The following OSBP2 variants were observed in gnomAD, a reference collection of about 807,000 sequenced individuals.
OSBP2 encodes the protein oxysterol-binding protein 2.
Under a neutral mutation model 96.0 loss-of-function variants are expected in OSBP2, and 66 were observed. That is an observed-to-expected ratio of 0.69 (90% CI 0.56 to 0.84). OSBP2 has a LOEUF of 0.84. Among genes scored for constraint, OSBP2 ranks in the 40% least tolerant of loss-of-function variants. The pLI is 0.00. For missense variants in OSBP2, 1,038 were observed against 1,222.7 expected (o/e 0.85, Z 2.25); for synonymous variants, 525 against 520.9 (o/e 1.01, Z -0.11).
At chr22:30,762,594 G>C (rs988150630) in intron 2 of OSBP2, among the ~76,000 whole-genome samples, 1 of 152,022 alleles carries the variant, frequency 6.6e-6, no homozygotes, top group Non-Finnish European at 1.5e-5. Flanking sequence ...CTCCTCTTGC[G>C]CTCTAGACCC....
intron 3 of OSBP2, among the ~76,000 whole-genome samples, chr22:30,886,240 G>A (rs984891775): frequency 1.3e-5 from 2 of 152,178 alleles, no homozygotes; most frequent in East Asian, 1.9e-4. Flanking sequence ...TCAGAAAGGC[G>A]GGACAGCTCA....
At chr22:30,821,145 A>G (rs1431402744) in intron 2 of OSBP2, among the ~76,000 whole-genome samples, 1 of 152,240 alleles carries the variant, frequency 6.6e-6, no homozygotes, top group Admixed American at 6.5e-5. Flanking sequence ...AGTGGGAAAG[A>G]TGAGACATAC....
At chr22:30,783,750 G>C (rs193269530) in intron 2 of OSBP2, among the ~76,000 whole-genome samples, 1 of 152,152 alleles carries the variant, frequency 6.6e-6, no homozygotes, top group Non-Finnish European at 1.5e-5. Context: ...AACTTACGGC[G>C]ATTTCTTAGA....
intron 12 of OSBP2, among the ~76,000 whole-genome samples, chr22:30,897,748 G>A (rs149720095): frequency 0.012 from 1,760 of 152,198 alleles, 37 homozygotes; most frequent in African/African-American, 0.04. Context: ...TCAGGAGTTC[G>A]AGACCAGCCT....
chr22:30,723,653 A>T (rs1234655850), intron 1 of OSBP2, among the ~76,000 whole-genome samples: 1 of 151,922 alleles, frequency 6.6e-6, no homozygotes, highest in African/African-American at 2.4e-5. Context: ...ACCTTAAGTG[A>T]TCCACCCTCC....
At chr22:30,708,432 A>G (rs2089290452) in intron 1 of OSBP2, among the ~76,000 whole-genome samples, 1 of 145,736 alleles carries the variant, frequency 6.9e-6, no homozygotes, top group South Asian at 2.2e-4. Context: ...TCTAAATATG[A>G]TATTTTACCT....
Position 30,695,501 on chromosome 22 carries a change from G to A in OSBP2, c.592G>A (p.Gly198Ser), listed in dbSNP as rs1235106476. 8 of 1,612,812 alleles carry A rather than the reference G, an allele frequency of 5.0e-6. No individual in the cohort carries two copies. The highest frequency in any genetic ancestry group is 5.9e-6 in the Non-Finnish European group (7 of 1,180,024). ...TCTCAAGTGGACCAACTATCTGAAG[G>A]GCTACCAGCGCCGCTGGTTCGTGCT... Reference protein sequence around the residue: ...WLLKWTNYLKGYQRRWFVLGN... With the variant: ...WLLKWTNYLKSYQRRWFVLGN... The change falls in exon 1 of 14, where the codon GGC (glycine) becomes AGC (serine). Residue 198 changes from glycine (G) to serine (S), a missense_variant. Gly to Ser is a moderately conservative substitution (Grantham distance 56, BLOSUM62 0). This residue lies in a region of OSBP2 where 281 missense variants were observed against 273.4 expected (regional missense o/e 1.03). Coordinates refer to ENST00000332585, the MANE Select transcript of OSBP2 (RefSeq NM_030758.4).
chr22:30,769,337 A>G (rs942436198), intron 2 of OSBP2, among the ~76,000 whole-genome samples: 1 of 152,184 alleles, frequency 6.6e-6, no homozygotes, highest in African/African-American at 2.4e-5. Flanking sequence ...TGTGAGGGTA[A>G]ATAACAACAA....
chr22:30,731,751 A>T (rs1201919770), intron 1 of OSBP2: 1 of 154,398 alleles, frequency 6.5e-6, no homozygotes, highest in Non-Finnish European at 1.5e-5. Flanking sequence ...CATCAGTGAC[A>T]GAAGCCATTT....
At chr22:30,766,318 T>G (rs1481068174) in intron 2 of OSBP2, among the ~76,000 whole-genome samples, 2 of 152,202 alleles carry the variant, frequency 1.3e-5, no homozygotes, top group Non-Finnish European at 2.9e-5. Context: ...CATTGAATGG[T>G]ACCTGGCGGG....
intron 3 of OSBP2, among the ~76,000 whole-genome samples, chr22:30,877,749 G>A (rs1263926872): frequency 6.6e-6 from 1 of 152,166 alleles, no homozygotes; most frequent in Non-Finnish European, 1.5e-5. Context: ...CCCTGCAGGC[G>A]GGGCCCAGGC....
intron 1 of OSBP2, among the ~76,000 whole-genome samples, chr22:30,700,367 C>CT (rs112904670): frequency 0.033 from 5,020 of 150,926 alleles, 99 homozygotes; most frequent in African/African-American, 0.056. Context: ...TCAATGTTGG[C>CT]TTTTTTTTTA....
intron 12 of OSBP2, among the ~76,000 whole-genome samples, chr22:30,895,161 A>T (rs1470449898): frequency 6.6e-6 from 1 of 152,196 alleles, no homozygotes; most frequent in African/African-American, 2.4e-5. Flanking sequence ...GAAGAGGATC[A>T]AGATGCACAT....
intron 1 of OSBP2, among the ~76,000 whole-genome samples, chr22:30,701,090 C>T (rs780982183): frequency 6.7e-6 from 1 of 148,586 alleles, no homozygotes; most frequent in African/African-American, 2.5e-5. Flanking sequence ...AGTGCAACTA[C>T]GTCTCAAAAA....
intron 2 of OSBP2, among the ~76,000 whole-genome samples, chr22:30,806,596 T>A (rs2090931194): frequency 6.6e-6 from 1 of 152,114 alleles, no homozygotes; most frequent in African/African-American, 2.4e-5. Context: ...AGGAAATGAC[T>A]CATCCATGGA....
intron 2 of OSBP2, among the ~76,000 whole-genome samples, chr22:30,861,932 G>C (rs1237435894): frequency 6.6e-6 from 1 of 152,140 alleles, no homozygotes; most frequent in Non-Finnish European, 1.5e-5. Context: ...CCCTGGAGCG[G>C]CATCTTCCTC....
chr22:30,877,205 A>C (rs1363001257), intron 3 of OSBP2, among the ~76,000 whole-genome samples: 1 of 152,126 alleles, frequency 6.6e-6, no homozygotes, highest in African/African-American at 2.4e-5. Flanking sequence ...GGAGCAAATG[A>C]ATGAATCGCT....
At chr22:30,712,915 T>G (rs1050626849) in intron 1 of OSBP2, among the ~76,000 whole-genome samples, 3 of 152,070 alleles carry the variant, frequency 2.0e-5, no homozygotes, top group Admixed American at 2.0e-4. Context: ...TTGGTTTTTG[T>G]TGTTTTTTTT....
intron 2 of OSBP2, among the ~76,000 whole-genome samples, chr22:30,831,592 T>C (rs1043192124): frequency 3.3e-5 from 5 of 152,138 alleles, no homozygotes; most frequent in Non-Finnish European, 7.4e-5. Flanking sequence ...AATGAAAATA[T>C]AGGGCCCCTT....
Sources: gnomAD v4.1 joint callset for allele counts (sites outside exome capture counted in the v4.1 genomes callset) on GRCh38, gnomAD v4.1.1 for gene constraint, gnomAD v4.1.1 regional missense constraint, MANE v1.5 for transcripts, NCBI Gene and HGNC (gene_info 2026-07-23, HGNC 2026-07-21) for gene names.